Variants in ADAMTS6 observed in about 807,000 individuals in gnomAD.
The protein encoded by ADAMTS6 is ADAM metallopeptidase with thrombospondin type 1 motif 6.
ADAMTS6 carries 23 observed loss-of-function variants against 144.3 expected under a neutral mutation model. The ratio of observed to expected loss-of-function variants is 0.16; its 90% CI spans 0.11 to 0.23. The LOEUF is 0.23. Ranked by LOEUF, ADAMTS6 falls within the 10% of genes least tolerant of loss-of-function variation. ADAMTS6 has a pLI of 1.00. For synonymous variants in ADAMTS6, 444 were observed against 457.5 expected, an observed-to-expected ratio of 0.97 and a Z score of 0.38; for missense variants, 999 against 1,379.6, an observed-to-expected ratio of 0.72 and a Z score of 4.37.
intron 21 of ADAMTS6, among the ~76,000 whole-genome samples, chr5:65,193,610 A>T (rs1487834118): frequency 6.6e-6 from 1 of 152,168 alleles, no homozygotes; most frequent in Non-Finnish European, 1.5e-5. Context: ...GGAAAATGGC[A>T]TTCTCATAGA....
Position 65,334,026 on chromosome 5 carries a change from A to AT in ADAMTS6, c.1117+15_1117+16insA. On this transcript the variant is annotated intron_variant, in intron 8 of 24. Coordinates refer to ENST00000381055, the MANE Select transcript of ADAMTS6 (RefSeq NM_197941.4). ...AAAAAAAAAAAAAAAAAAAAAAAAA[A>AT]CCAAAAAAAACTTACCCAGTGTTCC... 1 of 1,299,278 alleles carries AT rather than the reference A, an allele frequency of 7.7e-7. No homozygotes were observed. Among genetic ancestry groups the AT allele is most frequent in the Non-Finnish European group, 1.0e-6 (1 of 1,002,190 alleles). The allele number at this position is 1,299,278 out of a possible 1,614,324, so 80.5% of individuals were successfully genotyped here.
At chr5:65,217,594 T>G (rs916781438) in intron 18 of ADAMTS6, among the ~76,000 whole-genome samples, 2 of 152,088 alleles carry the variant, frequency 1.3e-5, no homozygotes, top group Non-Finnish European at 2.9e-5. Context: ...GTATTATTGA[T>G]GGAGAAAATA....
At chr5:65,168,814 G>C (rs1423257057) in intron 24 of ADAMTS6, among the ~76,000 whole-genome samples, 1 of 146,592 alleles carries the variant, frequency 6.8e-6, no homozygotes, top group Non-Finnish European at 1.5e-5. Flanking sequence ...AATGGTGCTG[G>C]GAAAACTGGC....
At chr5:65,402,505 A>G (rs55780467) in intron 7 of ADAMTS6, among the ~76,000 whole-genome samples, 93 of 152,210 alleles carry the variant, frequency 6.1e-4, no homozygotes, top group African/African-American at 2.2e-3. Flanking sequence ...CCTCAAATCT[A>G]TAACATCACC....
At position 65,214,582 on chromosome 5, in the gene ADAMTS6, A is replaced by G. The variant is rs1756774298; in HGVS notation, c.2575+212T>C. The G allele has an allele frequency of 6.0e-6, 4 of 666,440 alleles. No individual in the cohort carries two copies. Among genetic ancestry groups the G allele is most frequent in the South Asian group, 1.8e-5 (1 of 54,898 alleles). The allele number at this position is 666,440 out of a possible 1,614,324, so 41.3% of individuals were successfully genotyped here. A position where few individuals can be genotyped will look rare whatever the true frequency, so the allele number is the denominator to read the frequency against. On this transcript the variant is annotated intron_variant, in intron 20 of 24. Transcript: ENST00000381055. The surrounding 1 kb of genome is among the most constrained non-coding windows in gnomAD (Gnocchi z 4.6). ...AGAGACACTCATTGTGCCAAGATGTATTTTACCAACAAATCTGCACAAATT... is the reference window on the plus strand; with the variant it reads ...AGAGACACTCATTGTGCCAAGATGTGTTTTACCAACAAATCTGCACAAATT...
At chr5:65,217,336 T>A (rs1054454658) in intron 18 of ADAMTS6, among the ~76,000 whole-genome samples, 2 of 151,992 alleles carry the variant, frequency 1.3e-5, no homozygotes, top group African/African-American at 4.8e-5. Context: ...AACAACTATG[T>A]GGCTTTAAAT....
chr5:65,386,404 G>A (rs997843247), intron 7 of ADAMTS6, among the ~76,000 whole-genome samples: 2 of 152,036 alleles, frequency 1.3e-5, no homozygotes, highest in African/African-American at 4.8e-5. Context: ...TGATACATTT[G>A]TTTGTGTCCT....
intron 14 of ADAMTS6, among the ~76,000 whole-genome samples, chr5:65,248,159 T>G (rs1471541038): frequency 6.6e-6 from 1 of 152,158 alleles, no homozygotes; most frequent in Non-Finnish European, 1.5e-5. Context: ...AGTTATCAGA[T>G]AGTACTGATA....
intron 7 of ADAMTS6, among the ~76,000 whole-genome samples, chr5:65,411,593 G>A (rs191223237): frequency 7.9e-5 from 12 of 152,206 alleles, no homozygotes; most frequent in Admixed American, 7.9e-4. Flanking sequence ...TCAAACCGGA[G>A]TATGAGTGAC....
intron 20 of ADAMTS6, among the ~76,000 whole-genome samples, chr5:65,209,344 A>C (rs1756334339): frequency 6.6e-6 from 1 of 152,220 alleles, no homozygotes; most frequent in Non-Finnish European, 1.5e-5. Flanking sequence ...ACAGAAACAA[A>C]TTCTAGTAGC....
chr5:65,394,406 C>G (rs1753174543), intron 7 of ADAMTS6, among the ~76,000 whole-genome samples: 1 of 152,218 alleles, frequency 6.6e-6, no homozygotes, highest in Non-Finnish European at 1.5e-5. Flanking sequence ...AACTGCCCAG[C>G]TGAGCACTTC....
intron 7 of ADAMTS6, among the ~76,000 whole-genome samples, chr5:65,356,376 G>A (rs1322423878): frequency 6.6e-6 from 1 of 151,844 alleles, no homozygotes; most frequent in Non-Finnish European, 1.5e-5. Flanking sequence ...GCAAACAGGA[G>A]AACTCCATCC....
At chr5:65,374,455 TACACCAACAAC>T (rs1256106163) in intron 7 of ADAMTS6, among the ~76,000 whole-genome samples, 122 of 148,928 alleles carry the variant, frequency 8.2e-4, no homozygotes, top group African/African-American at 3.0e-3. Context: ...AGCATTCTTA[TACACCAACAAC>T]AGACAAACAG....
At position 65,176,365 on chromosome 5, in the gene ADAMTS6, G is replaced by C. The variant is rs185068895; in HGVS notation, c.2911-3357C>G. Among the ~76,000 whole-genome samples the C allele has an allele frequency of 5.8e-4, 89 of 152,280 alleles. 1 individual carries two copies. Among genetic ancestry groups the C allele is most frequent in the African/African-American group, 2.1e-3 (89 of 41,554 alleles). ...CTGAATGTAAAACAAAACAGTTTAT[G>C]TGCAAGTTGTATAAGGAAAGTAAAA... On this transcript the variant is annotated intron_variant, in intron 22 of 24. Transcript: ENST00000381055.
intron 7 of ADAMTS6, among the ~76,000 whole-genome samples, chr5:65,340,076 T>C (rs939446905): frequency 6.6e-6 from 1 of 152,066 alleles, no homozygotes; most frequent in African/African-American, 2.4e-5. Context: ...AAGGCACACA[T>C]AGTCAAATTG....
At chr5:65,243,911 C>A (rs909037625) in intron 14 of ADAMTS6, among the ~76,000 whole-genome samples, 2 of 152,072 alleles carry the variant, frequency 1.3e-5, no homozygotes, top group East Asian at 3.9e-4. Context: ...TAAAGTTCAT[C>A]CAAGCATGGC....
intron 1 of ADAMTS6, among the ~76,000 whole-genome samples, chr5:65,475,515 C>T (rs1039176888): frequency 2.6e-5 from 4 of 152,078 alleles, no homozygotes; most frequent in Admixed American, 6.6e-5. Context: ...CTGACAAATG[C>T]CGTAATAAGG....
intron 7 of ADAMTS6, 129 bp downstream of exon 7, chr5:65,451,346 G>C: frequency 1.0e-6 from 1 of 959,350 alleles, no homozygotes; most frequent in South Asian, 1.7e-5. Flanking sequence ...TTTCTCAGTA[G>C]TGAAAAATAA....
At chr5:65,188,359 A>G (rs1157175482) in intron 21 of ADAMTS6, 139 bp from the exon 22 acceptor site, 2 of 788,140 alleles carry the variant, frequency 2.5e-6, no homozygotes, top group African/African-American at 3.5e-5. Flanking sequence ...GGCAAATGAA[A>G]GAGCTGCTAA....
Sources: allele counts gnomAD v4.1 joint callset (sites outside exome capture counted in the v4.1 genomes callset), GRCh38; gene constraint gnomAD v4.1.1; non-coding constraint Gnocchi (gnomAD v3.1); transcripts MANE v1.5; gene names NCBI Gene and HGNC (gene_info 2026-07-23, HGNC 2026-07-21).